The following ELFN1 variants were observed in gnomAD, a reference collection of about 807,000 sequenced individuals.
ELFN1 encodes extracellular leucine rich repeat and fibronectin type III domain containing 1.
ELFN1 carries 6 observed loss-of-function variants against 7.6 expected under a neutral mutation model. That is an observed-to-expected ratio of 0.79 (90% confidence interval 0.43 to 1.56). The LOEUF (loss-of-function observed/expected upper bound fraction) is 1.56. ELFN1 is among the 40% of genes most tolerant of loss of function. The probability of loss-of-function intolerance (pLI) is 0.01; values close to 1 mark genes in which losing one functional copy is unlikely to be tolerated. For synonymous variants in ELFN1, 657 were observed against 588.1 expected, an observed-to-expected ratio of 1.12 and a Z score of -1.70; for missense variants, 1,169 against 1,232.2, an observed-to-expected ratio of 0.95 and a Z score of 0.77.
At position 1,744,557 on chromosome 7, in the gene ELFN1, C is replaced by A; in HGVS notation, c.-40C>A. On this transcript the variant is annotated 5_prime_UTR_variant, in exon 4 of 4. In the 5' UTR this introduces an upstream ATG that the reference lacks. Coordinates refer to ENST00000424383, the MANE Select transcript of ELFN1 (RefSeq NM_001128636.4). ...GCGCCTGGCCCCCCACCTGGTCCCC[C>A]TGGGCAGGCTGAATTGGGGCTCCCT... 1 of 1,457,222 alleles carries A rather than the reference C, an allele frequency of 6.9e-7. No individual in the cohort carries two copies. Among genetic ancestry groups the A allele is most frequent in the South Asian group, 1.5e-5 (1 of 68,380 alleles). The allele number at this position is 1,457,222 out of a possible 1,614,324, so 90.3% of individuals were successfully genotyped here.
At chr7:1,718,917 C>T (rs567537834) in intron 3 of ELFN1, among the ~76,000 whole-genome samples, 11 of 152,280 alleles carry the variant, frequency 7.2e-5, no homozygotes, top group Non-Finnish European at 1.3e-4. Flanking sequence ...CTCACCTCCG[C>T]GGAGCCACAC....
At position 1,744,536 on chromosome 7, in the gene ELFN1, C is replaced by G; in HGVS notation, c.-61C>G. 2.1e-6 allele frequency: 3 copies of G among 1,433,830 alleles called. No homozygotes were observed. The highest frequency in any genetic ancestry group is 2.7e-6 in the Non-Finnish European group (3 of 1,099,222). The allele number at this position is 1,433,830 out of a possible 1,614,324, so 88.8% of individuals were successfully genotyped here. A position where few individuals can be genotyped will look rare whatever the true frequency, so the allele number is the denominator to read the frequency against. On this transcript the variant is annotated 5_prime_UTR_variant, in exon 4 of 4. Transcript: ENST00000424383. ...CCTCCATCCCTCTGGGGGCTGGCGC[C>G]TGGCCCCCCACCTGGTCCCCCTGGG...
chr7:1,742,612 C>G (rs1780658449), intron 3 of ELFN1, among the ~76,000 whole-genome samples: 1 of 152,224 alleles, frequency 6.6e-6, no homozygotes, highest in Non-Finnish European at 1.5e-5. Flanking sequence ...CCTACCCAAG[C>G]AGCCCCCTGA....
At chr7:1,720,125 G>T (rs1212478511) in intron 3 of ELFN1, among the ~76,000 whole-genome samples, 1 of 152,374 alleles carries the variant, frequency 6.6e-6, no homozygotes, top group Non-Finnish European at 1.5e-5. Flanking sequence ...TTGCGAGCCT[G>T]ATGCTGCCTG....
intron 3 of ELFN1, among the ~76,000 whole-genome samples, chr7:1,722,603 A>G (rs1018581778): frequency 1.3e-5 from 2 of 151,964 alleles, no homozygotes; most frequent in African/African-American, 4.8e-5. Context: ...CTTCCACTCC[A>G]GTACTTTAAT....
chr7:1,675,578 T>C (rs1778853769), intron 1 of ELFN1, among the ~76,000 whole-genome samples: 1 of 152,198 alleles, frequency 6.6e-6, no homozygotes, highest in African/African-American at 2.4e-5. Flanking sequence ...CAGCCAGCCA[T>C]GTGCCCGCCC....
At chr7:1,727,655 G>T (rs1424107138) in intron 3 of ELFN1, among the ~76,000 whole-genome samples, 1 of 152,110 alleles carries the variant, frequency 6.6e-6, no homozygotes, top group African/African-American at 2.4e-5. Flanking sequence ...GTCACCCAGG[G>T]TGGCATGCAA....
chr7:1,707,234 A>AACAGTC (rs1779553322), intron 2 of ELFN1, among the ~76,000 whole-genome samples: 1 of 152,158 alleles, frequency 6.6e-6, no homozygotes, highest in Non-Finnish European at 1.5e-5. Flanking sequence ...CCGCTTTTGG[A>AACAGTC]TGGCTTTGCT....
At position 1,746,610 on chromosome 7, in the gene ELFN1, A is replaced by G. The variant is rs1314795511; in HGVS notation, c.2014A>G (p.Lys672Glu). The G allele has an allele frequency of 2.1e-5, 29 of 1,349,462 alleles. No individual in the cohort carries two copies. The African/African-American group carries it at 3.7e-4, about 17-fold the overall frequency. The allele number at this position is 1,349,462 out of a possible 1,614,324, so 83.6% of individuals were successfully genotyped here. A position where few individuals can be genotyped will look rare whatever the true frequency, so the allele number is the denominator to read the frequency against. Residue 672 changes from lysine (K) to glutamate (E), a missense_variant, in exon 4 of 4, where the codon AAG becomes GAG. Physicochemically the swap from Lys to Glu is moderately conservative, Grantham distance 56. Coordinates refer to ENST00000424383, the MANE Select transcript of ELFN1 (RefSeq NM_001128636.4). ...AAAAEAKYIE[K>E]GSPAADAILT... ...GGCCGCCGAGGCCAAGTACATCGAG[A>G]AGGGCTCCCCCGCGGCCGACGCCAT...
intron 1 of ELFN1, among the ~76,000 whole-genome samples, chr7:1,683,244 TA>T (rs1178626677): frequency 2.0e-5 from 3 of 151,154 alleles, no homozygotes; most frequent in African/African-American, 7.3e-5. Flanking sequence ...AACTTACCAC[TA>T]AAGTCATAGG....
At chr7:1,733,116 TTC>T (rs1289775017) in intron 3 of ELFN1, among the ~76,000 whole-genome samples, 1 of 152,088 alleles carries the variant, frequency 6.6e-6, no homozygotes, top group Non-Finnish European at 1.5e-5. Context: ...GGCCAGGCTG[TTC>T]TAGAATTCCT....
chr7:1,681,100 C>T (rs1778967743), intron 1 of ELFN1, among the ~76,000 whole-genome samples: 1 of 152,218 alleles, frequency 6.6e-6, no homozygotes. Context: ...CTGCAATATG[C>T]AGTCTTCTGT....
At chr7:1,734,418 T>A (rs1350525398) in intron 3 of ELFN1, among the ~76,000 whole-genome samples, 1 of 152,240 alleles carries the variant, frequency 6.6e-6, no homozygotes, top group East Asian at 1.9e-4. Context: ...CCATTAAATG[T>A]TTGAGTCTCT....
chr7:1,734,796 G>A (rs540947037), intron 3 of ELFN1, among the ~76,000 whole-genome samples: 6 of 151,854 alleles, frequency 4.0e-5, no homozygotes, highest in South Asian at 2.1e-4. Flanking sequence ...CTCCTGAGCC[G>A]GTGGGATCCT....
chr7:1,696,769 G>T (rs970622615), intron 2 of ELFN1, among the ~76,000 whole-genome samples: 1 of 152,070 alleles, frequency 6.6e-6, no homozygotes, highest in Admixed American at 6.6e-5. Context: ...GGCTAACTCC[G>T]ATCACCTCCC....
upstream of ELFN1, among the ~76,000 whole-genome samples, chr7:1,666,894 G>C (rs1449945909): frequency 1.3e-5 from 2 of 151,776 alleles, no homozygotes; most frequent in African/African-American, 2.4e-5. This position sits in a 1 kb window ranked among gnomAD's most constrained non-coding sequence, Gnocchi z 7.9. Flanking sequence ...TCTGCCGACC[G>C]CTGCGGAGCT....
At chr7:1,689,242 T>C (rs1779112165) in intron 2 of ELFN1, among the ~76,000 whole-genome samples, 1 of 152,246 alleles carries the variant, frequency 6.6e-6, no homozygotes, top group Non-Finnish European at 1.5e-5. Flanking sequence ...GCATACTGTA[T>C]GTAGTGTGTA....
At position 1,745,985 on chromosome 7, in the gene ELFN1, G is replaced by A. The variant is rs1489155631; in HGVS notation, c.1389G>A (p.Lys463=). Reference sequence around the variant, plus strand: ...CGGCAGCCGCAGCTGGCAGCCTCAAGAAGACCATCATCGAGCTCAAGTACG... The same window carrying A: ...CGGCAGCCGCAGCTGGCAGCCTCAAAAAGACCATCATCGAGCTCAAGTACG... The part of the protein sequence containing the change: ...AASAAAAGSL[K]KTIIELKYGP... Residue 463 remains lysine (K), a synonymous_variant, in exon 4 of 4, where the codon AAG becomes AAA. Coordinates refer to ENST00000424383, the MANE Select transcript of ELFN1 (RefSeq NM_001128636.4). The A allele has an allele frequency of 3.9e-6, 6 of 1,544,620 alleles. No individual in the cohort carries two copies. Among genetic ancestry groups the A allele is most frequent in the Non-Finnish European group, 5.2e-6 (6 of 1,143,192 alleles).
intron 2 of ELFN1, among the ~76,000 whole-genome samples, chr7:1,691,159 G>A (rs1463921507): frequency 5.3e-5 from 8 of 152,162 alleles, no homozygotes; most frequent in Non-Finnish European, 8.8e-5. Context: ...AAACTTGACC[G>A]TGCCTAAGTC....
Sources: gnomAD v4.1 joint callset for allele counts (sites outside exome capture counted in the v4.1 genomes callset) on GRCh38, gnomAD v4.1.1 for gene constraint, Gnocchi (gnomAD v3.1) non-coding constraint, MANE v1.5 for transcripts, NCBI Gene and HGNC (gene_info 2026-07-23, HGNC 2026-07-21) for gene names.